DNAH2: variants seen among roughly 807,000 people sequenced by gnomAD.
DNAH2 encodes the protein dynein axonemal heavy chain 2, also known as axonemal beta dynein heavy chain 2.
DNAH2 carries 323 observed loss-of-function variants against 523.5 expected under a neutral mutation model. That is an observed-to-expected ratio of 0.62 (90% CI 0.56 to 0.68). DNAH2 has a LOEUF of 0.68. DNAH2 is among the 30% of genes least tolerant of loss of function. DNAH2 has a pLI of 0.00. For missense variants in DNAH2, 4,907 were observed against 5,701.5 expected, an observed-to-expected ratio of 0.86 and a Z score of 4.49; for synonymous variants, 2,093 against 2,177.4, an observed-to-expected ratio of 0.96 and a Z score of 1.08.
chr17:7,751,916 G>T (rs2075691829), intron 12 of DNAH2, among the ~76,000 whole-genome samples: 1 of 59,110 alleles, frequency 1.7e-5, no homozygotes, highest in African/African-American at 1.4e-4. Context: ...AAGAATAGTT[G>T]TGGGGTGTGT....
At chr17:7,736,394 T>C (rs1299630193) in intron 7 of DNAH2, among the ~76,000 whole-genome samples, 1 of 152,152 alleles carries the variant, frequency 6.6e-6, no homozygotes, top group Admixed American at 6.6e-5. Context: ...GTGACAACTA[T>C]GGGGACGAAT....
In DNAH2 at chr17:7,799,186, C is replaced by A; in HGVS notation, c.8643C>A (p.Arg2881=). The A allele has an allele frequency of 6.2e-7, 1 of 1,614,242 alleles. No homozygotes were observed. Among genetic ancestry groups the A allele is most frequent in the East Asian group, 2.2e-5 (1 of 44,886 alleles). The change falls in exon 56 of 86, where the codon CGC becomes CGA. Residue 2881 remains arginine (R), a synonymous_variant. Coordinates refer to ENST00000572933, the MANE Select transcript of DNAH2 (RefSeq NM_020877.5). ...SDSLFAYLIE[R]VQNNLHIVLC... is the part of the protein sequence containing the mutation. ...GCCTCTTCGCCTACCTCATTGAACG[C>A]GTGCAGAACAACCTGCACATCGTGC...
At chr17:7,729,477 C>T (rs2074924132) in intron 4 of DNAH2, among the ~76,000 whole-genome samples, 1 of 152,142 alleles carries the variant, frequency 6.6e-6, no homozygotes, top group African/African-American at 2.4e-5. Flanking sequence ...GTTGCCCAGC[C>T]TGGAGTGCAA....
Position 7,754,924 on chromosome 17 carries a change from C to T in DNAH2, c.1905-2167C>T, listed in dbSNP as rs2151186174. On this transcript the variant is annotated intron_variant, in intron 12 of 85. Transcript: ENST00000572933. This position sits in a 1 kb window ranked among gnomAD's most constrained non-coding sequence, Gnocchi z 4.6. ...ACCCCGGGCTGCCGTCTGCATGGGG[C>T]TGGGGTCCTCCTGCGCTATTGGTAC... 1 of 518,978 alleles carries T rather than the reference C, an allele frequency of 1.9e-6. No individual in the cohort carries two copies. The allele number at this position is 518,978 out of a possible 1,614,324, so 32.1% of individuals were successfully genotyped here.
In DNAH2 at chr17:7,764,168, C is replaced by T. The variant is rs370489371; in HGVS notation, c.3231C>T (p.Leu1077=). 12 of 1,614,202 alleles carry T rather than the reference C, an allele frequency of 7.4e-6. No individual in the cohort carries two copies. The highest frequency in any genetic ancestry group is 4.5e-5 in the East Asian group (2 of 44,888). The change falls in exon 20 of 86, where the codon CTC becomes CTT. Residue 1077 remains leucine (L), a synonymous_variant. Coordinates refer to ENST00000572933, the MANE Select transcript of DNAH2 (RefSeq NM_020877.5). ...AGGAACTGGGGGTCAGCTTGCAGCT[C>T]GTGGATGCCCTGAAGCACGACTTGG... ...TLEELGVSLQ[L]VDALKHDLAN...
At chr17:7,772,302 A>C (rs936856093) in intron 28 of DNAH2, among the ~76,000 whole-genome samples, 6 of 152,236 alleles carry the variant, frequency 3.9e-5, no homozygotes, top group Non-Finnish European at 7.3e-5. Flanking sequence ...CACATCAATA[A>C]AAATAATTTT....
chr17:7,725,568 G>T (rs1007337509), intron 3 of DNAH2, among the ~76,000 whole-genome samples: 1 of 151,210 alleles, frequency 6.6e-6, no homozygotes, highest in African/African-American at 2.4e-5. Flanking sequence ...GAGTAGCTGG[G>T]ATTACAGGTG....
Position 7,833,654 on chromosome 17 carries a change from A to G in DNAH2, c.*121A>G. 1 of 1,386,306 alleles carries G rather than the reference A, an allele frequency of 7.2e-7. No individual in the cohort carries two copies. Among genetic ancestry groups the G allele is most frequent in the Non-Finnish European group, 1.0e-6 (1 of 1,002,498 alleles). The allele number at this position is 1,386,306 out of a possible 1,614,324, so 85.9% of individuals were successfully genotyped here. ...CTTTGACCTTGGCCGAATTTGTGTG[A>G]TGTGGCCCTGGAGATACCTAGTTGT... is the stretch of plus-strand genomic sequence containing the variant. On this transcript the variant is annotated 3_prime_UTR_variant, in exon 86 of 86. Coordinates refer to ENST00000572933, the MANE Select transcript of DNAH2 (RefSeq NM_020877.5).
intron 73 of DNAH2, among the ~76,000 whole-genome samples, chr17:7,823,229 G>A (rs1191313446): frequency 1.3e-5 from 2 of 151,530 alleles, no homozygotes; most frequent in African/African-American, 4.9e-5. Context: ...GGGGGTCAGA[G>A]GTTGCAGTGA....
At chr17:7,800,593 G>A (rs1213266215) in intron 56 of DNAH2, among the ~76,000 whole-genome samples, 3 of 151,342 alleles carry the variant, frequency 2.0e-5, no homozygotes, top group Middle Eastern at 3.4e-3. Flanking sequence ...TTGTCTGGGC[G>A]CGGTGGCTCA....
At chr17:7,808,857 G>A (rs1298182257) in intron 63 of DNAH2, among the ~76,000 whole-genome samples, 1 of 152,210 alleles carries the variant, frequency 6.6e-6, no homozygotes, top group African/African-American at 2.4e-5. Flanking sequence ...TGATCTGCCA[G>A]CCTCAGCCTC....
intron 4 of DNAH2, among the ~76,000 whole-genome samples, chr17:7,729,387 GAAAA>G (rs538804255): frequency 2.3e-5 from 3 of 129,588 alleles, no homozygotes; most frequent in Non-Finnish European, 3.4e-5. Flanking sequence ...TCTCCAAAAA[GAAAA>G]AAAAAAAAAG....
chr17:7,810,573 G>C (rs2077489039), intron 63 of DNAH2, among the ~76,000 whole-genome samples: 1 of 152,062 alleles, frequency 6.6e-6, no homozygotes, highest in South Asian at 2.1e-4. Context: ...ATTTTTAGTA[G>C]AGATGGGGTT....
In DNAH2 at chr17:7,760,754, A is replaced by G. The variant is rs370889982; in HGVS notation, c.2800A>G (p.Ile934Val). The G allele has an allele frequency of 6.2e-7, 1 of 1,613,884 alleles. No homozygotes were observed. Among genetic ancestry groups the G allele is most frequent in the Non-Finnish European group, 8.5e-7 (1 of 1,179,872 alleles). The change falls in exon 18 of 86, where the codon ATC becomes GTC. Residue 934 changes from isoleucine (I) to valine (V), a missense_variant. Transcript: ENST00000572933. This position sits in a 1 kb window ranked among gnomAD's most constrained non-coding sequence, Gnocchi z 4.0. ...GTCCTTTGAAGAGCAAGATGAGGACATCAAGAAGATCCAGACCCAAATCAG... is the reference window on the plus strand; with the variant it reads ...GTCCTTTGAAGAGCAAGATGAGGACGTCAAGAAGATCCAGACCCAAATCAG... ...IQTVVEQDED[I>V]KKIQTQISSG...
At chr17:7,787,101 G>C in intron 42 of DNAH2, 68 bp downstream of exon 42, 1 of 1,575,198 alleles carries the variant, frequency 6.3e-7, no homozygotes, top group Non-Finnish European at 8.6e-7. Flanking sequence ...CCGGGGCTGG[G>C]GAGGAGAGCC....
Position 7,786,126 on chromosome 17 carries a change from G to T in DNAH2, c.6132G>T (p.Leu2044=), listed in dbSNP as rs146871416. Residue 2044 remains leucine, a splice_region_variant and synonymous_variant, in exon 40 of 86, where the codon CTG becomes CTT. Coordinates refer to ENST00000572933, the MANE Select transcript of DNAH2 (RefSeq NM_020877.5). This position sits in a 1 kb window ranked among gnomAD's most constrained non-coding sequence, Gnocchi z 7.5. ...IELPVIDYGK[L]RETVEQEIRD... is the part of the protein sequence containing the mutation. Reference sequence around the variant, plus strand: ...TGCTGTGTTTTCCCTTCCCTCAGCTGCGGGAGACCGTTGAGCAGGAGATTC... The same window carrying T: ...TGCTGTGTTTTCCCTTCCCTCAGCTTCGGGAGACCGTTGAGCAGGAGATTC... 9.9e-6 allele frequency: 16 copies of T among 1,613,910 alleles called. No individual in the cohort carries two copies. The highest frequency in any genetic ancestry group is 2.2e-5 in the East Asian group (1 of 44,860).
At chr17:7,740,362 G>A (rs1237163257) in intron 9 of DNAH2, 58 bp from the exon 10 acceptor site, 2 of 1,603,358 alleles carry the variant, frequency 1.2e-6, no homozygotes, top group African/African-American at 2.7e-5. Context: ...TTCCTCAGGG[G>A]TTGGAGTTGG....
rs2076595933 is a variant in DNAH2, at chr17:7,781,157, A to C, written c.6119A>C (p.Asp2040Ala). 1 of 1,614,212 alleles carries C rather than the reference A, an allele frequency of 6.2e-7. No homozygotes were observed. The highest frequency in any genetic ancestry group is 2.2e-5 in the East Asian group (1 of 44,886). The change falls in exon 39 of 86, where the codon GAC becomes GCC. Residue 2040 changes from aspartate to alanine, a missense_variant. By Grantham distance (126) the Asp-to-Ala change is moderately radical (BLOSUM62 -2). This residue lies in a region of DNAH2 where 2,806 missense variants were observed against 3,190.8 expected (regional missense o/e 0.88). Transcript: ENST00000572933. ...CCCAACATTGAGCTGCCTGTCATTGACTATGGCAAGGTATTTGTTCCTTAA... is the reference window on the plus strand; with the variant it reads ...CCCAACATTGAGCTGCCTGTCATTGCCTATGGCAAGGTATTTGTTCCTTAA... ...LFPNIELPVI[D>A]YGKLRETVEQ... is the part of the protein sequence containing the mutation.
At position 7,821,272 on chromosome 17, in the gene DNAH2, A is replaced by G; in HGVS notation, c.11045A>G (p.His3682Arg). 2 of 1,613,742 alleles carry G rather than the reference A, an allele frequency of 1.2e-6. No homozygotes were observed. The highest frequency in any genetic ancestry group is 1.7e-6 in the Non-Finnish European group (2 of 1,179,842). ...ACCTGCCGTACCCTTTTCGAACGCC[A>G]CAAACTACTATTCAGTTTTCATATG... is the stretch of plus-strand genomic sequence containing the variant. The part of the protein sequence containing the change: ...RYTCRTLFER[H>R]KLLFSFHMCA... Residue 3682 changes from histidine to arginine, a missense_variant, in exon 73 of 86, where the codon CAC becomes CGC. Transcript: ENST00000572933. This position sits in a 1 kb window ranked among gnomAD's most constrained non-coding sequence, Gnocchi z 5.0.
Sources: allele counts gnomAD v4.1 joint callset (sites outside exome capture counted in the v4.1 genomes callset), GRCh38; gene constraint gnomAD v4.1.1; regional missense constraint gnomAD v4.1.1; non-coding constraint Gnocchi (gnomAD v3.1); transcripts MANE v1.5; gene names NCBI Gene and HGNC (gene_info 2026-07-23, HGNC 2026-07-21).